The following DLGAP2 variants were observed in gnomAD, a reference collection of about 807,000 sequenced individuals.
The protein encoded by DLGAP2 is DLG associated protein 2, also known as disks large-associated protein 2.
DLGAP2 carries 26 observed loss-of-function variants against 100.3 expected under a neutral mutation model. The observed-to-expected ratio is 0.26, with a 90% CI of 0.19 to 0.36. The LOEUF is 0.36. DLGAP2 is among the 10% of genes least tolerant of loss of function. The pLI, the probability that DLGAP2 is intolerant of heterozygous loss-of-function variation, is 1.00. For missense variants in DLGAP2, 1,858 were observed against 1,453.2 expected, an observed-to-expected ratio of 1.28 and a Z score of -4.53; for synonymous variants, 886 against 630.1, an observed-to-expected ratio of 1.41 and a Z score of -6.08.
At chr8:809,030 C>G (rs1796320745) in intron 1 of DLGAP2, among the ~76,000 whole-genome samples, 2 of 151,826 alleles carry the variant, frequency 1.3e-5, no homozygotes, top group African/African-American at 2.4e-5. Flanking sequence ...CCTCAGCCTC[C>G]CAAGTAGCTG....
intron 2 of DLGAP2, among the ~76,000 whole-genome samples, chr8:1,155,495 C>A (rs542714337): frequency 1.3e-5 from 2 of 152,242 alleles, no homozygotes; most frequent in South Asian, 2.1e-4. Flanking sequence ...TTGGAGGGAA[C>A]TTTTCTAAAG....
intron 3 of DLGAP2, among the ~76,000 whole-genome samples, chr8:1,283,000 C>A (rs1435894980): frequency 7.5e-6 from 1 of 134,158 alleles, no homozygotes; most frequent in African/African-American, 2.8e-5. Flanking sequence ...GCCCCCTGAA[C>A]CATACGGACA....
chr8:1,283,375 C>G (rs1469217664), intron 3 of DLGAP2, among the ~76,000 whole-genome samples: 4 of 152,202 alleles, frequency 2.6e-5, no homozygotes, highest in African/African-American at 9.7e-5. Flanking sequence ...TCAATGGCGC[C>G]CAGACCTTCC....
chr8:1,039,164 AGCTCGGTGTGC>A (rs1488670724), intron 2 of DLGAP2, among the ~76,000 whole-genome samples: 37 of 76,566 alleles, frequency 4.8e-4, no homozygotes, highest in Non-Finnish European at 9.9e-4. Flanking sequence ...ATGCGTGGTC[AGCTCGGTGTGC>A]GTGGTCAGCT....
chr8:1,165,639 T>G (rs2116663319), intron 2 of DLGAP2, among the ~76,000 whole-genome samples: 1 of 152,380 alleles, frequency 6.6e-6, no homozygotes, highest in African/African-American at 2.4e-5. Flanking sequence ...GACTGTTACA[T>G]GATTTTCGTC....
chr8:975,031 A>G (rs1015396726), intron 2 of DLGAP2, among the ~76,000 whole-genome samples: 2 of 152,212 alleles, frequency 1.3e-5, no homozygotes, highest in African/African-American at 4.8e-5. Flanking sequence ...GAAGATCCAA[A>G]TTACCGAAAT....
chr8:974,149 C>A (rs556954905), intron 2 of DLGAP2, among the ~76,000 whole-genome samples: 1 of 152,062 alleles, frequency 6.6e-6, no homozygotes, highest in East Asian at 1.9e-4. Flanking sequence ...GGTAAGACAC[C>A]AAACCATATC....
At chr8:911,552 A>G (rs1376714884) in intron 2 of DLGAP2, among the ~76,000 whole-genome samples, 1 of 150,408 alleles carries the variant, frequency 6.6e-6, no homozygotes, top group East Asian at 2.0e-4. Context: ...GGAAGGATGC[A>G]TGTATAACAT....
At chr8:1,426,027 C>T (rs141119219) in intron 3 of DLGAP2, among the ~76,000 whole-genome samples, 204 of 152,312 alleles carry the variant, frequency 1.3e-3, no homozygotes, top group African/African-American at 4.8e-3. Flanking sequence ...GTGTGGGGTC[C>T]TCAGCATGAG....
At chr8:1,616,171 T>G (rs1216232591) in intron 6 of DLGAP2, among the ~76,000 whole-genome samples, 1 of 152,042 alleles carries the variant, frequency 6.6e-6, no homozygotes, top group Non-Finnish European at 1.5e-5. Flanking sequence ...AGCTTAGTAA[T>G]TTGAAAATGA....
chr8:807,549 G>A (rs1197529704), intron 1 of DLGAP2, among the ~76,000 whole-genome samples: 1 of 78,398 alleles, frequency 1.3e-5, no homozygotes, highest in Non-Finnish European at 2.5e-5. Context: ...TCATTCATAC[G>A]TTCTCTCTCC....
At chr8:989,038 G>T (rs1253496141) in intron 2 of DLGAP2, among the ~76,000 whole-genome samples, 4 of 152,146 alleles carry the variant, frequency 2.6e-5, no homozygotes, top group African/African-American at 9.7e-5. Flanking sequence ...TGCTGTCGAG[G>T]GCTCTCCAGG....
intron 2 of DLGAP2, among the ~76,000 whole-genome samples, chr8:1,158,325 G>A (rs957506199): frequency 6.6e-6 from 1 of 152,164 alleles, no homozygotes; most frequent in African/African-American, 2.4e-5. Context: ...ACATGTATCT[G>A]TGTGTTATAT....
intron 3 of DLGAP2, among the ~76,000 whole-genome samples, chr8:1,344,121 CCCTGTCGTGGGTCCGTGTACTCG>C (rs1801489272): frequency 6.7e-6 from 1 of 149,710 alleles, no homozygotes; most frequent in Admixed American, 6.6e-5. Context: ...GTATTCGGGG[CCCTGTCGTGGGTCCGTGTACTCG>C]GGGCCCTGTC....
chr8:1,271,610 T>C (rs1469639304), intron 3 of DLGAP2, among the ~76,000 whole-genome samples: 2 of 152,196 alleles, frequency 1.3e-5, no homozygotes, highest in Non-Finnish European at 2.9e-5. Flanking sequence ...GGTTGTACTC[T>C]AATGATGATG....
intron 1 of DLGAP2, among the ~76,000 whole-genome samples, chr8:820,547 C>G (rs755495781): frequency 3.9e-5 from 6 of 152,292 alleles, no homozygotes; most frequent in South Asian, 4.1e-4. Flanking sequence ...AATTTGTTTG[C>G]TCAATAATCA....
chr8:1,540,823 T>C (rs558517165), intron 4 of DLGAP2, among the ~76,000 whole-genome samples: 3 of 152,372 alleles, frequency 2.0e-5, no homozygotes, highest in East Asian at 3.9e-4. Flanking sequence ...AGTTCCACCT[T>C]TGAAAATGGT....
intron 3 of DLGAP2, among the ~76,000 whole-genome samples, chr8:1,439,737 G>A (rs978342282): frequency 2.0e-5 from 3 of 152,076 alleles, no homozygotes; most frequent in Non-Finnish European, 2.9e-5. Flanking sequence ...CTTTGGATGA[G>A]CCACATGTGC....
At chr8:1,026,671 T>G (rs1801809226) in intron 2 of DLGAP2, among the ~76,000 whole-genome samples, 1 of 152,240 alleles carries the variant, frequency 6.6e-6, no homozygotes, top group African/African-American at 2.4e-5. Flanking sequence ...ATTGATTTTG[T>G]CATTTTGAAT....
Sources: allele counts gnomAD v4.1 joint callset (sites outside exome capture counted in the v4.1 genomes callset), GRCh38; gene constraint gnomAD v4.1.1; transcripts MANE v1.5; gene names NCBI Gene and HGNC (gene_info 2026-07-23, HGNC 2026-07-21).